The following TMEM232 variants were observed in gnomAD, a reference collection of about 807,000 sequenced individuals.
The protein encoded by TMEM232 is transmembrane protein 232.
Under a neutral mutation model 78.8 loss-of-function variants are expected in TMEM232, and 80 were observed. That is an observed-to-expected ratio of 1.01 (90% CI 0.85 to 1.22). The LOEUF is 1.22. TMEM232 is among the 50% of genes most tolerant of loss of function. TMEM232 has a pLI of 0.00. For missense variants in TMEM232, 881 were observed against 742.2 expected (o/e 1.19, Z -2.17); for synonymous variants, 297 against 254.3 (o/e 1.17, Z -1.60).
chr5:110,408,563 C>T (rs1365727053), intron 2 of TMEM232, among the ~76,000 whole-genome samples: 1 of 151,750 alleles, frequency 6.6e-6, no homozygotes, highest in African/African-American at 2.4e-5. Context: ...GCACTCCAGC[C>T]CGGGTGACAG....
chr5:110,698,912 T>C (rs568608214), intron 1 of TMEM232, among the ~76,000 whole-genome samples: 2 of 152,184 alleles, frequency 1.3e-5, no homozygotes, highest in East Asian at 3.9e-4. Flanking sequence ...TGCGATAAAA[T>C]TGCTCCAAAG....
At chr5:110,710,032 G>GA (rs199628112) in intron 1 of TMEM232, among the ~76,000 whole-genome samples, 9 of 148,448 alleles carry the variant, frequency 6.1e-5, no homozygotes, top group East Asian at 3.9e-4. Flanking sequence ...GACAAATTAA[G>GA]AAAAAAAAAG....
intron 12 of TMEM232, among the ~76,000 whole-genome samples, chr5:110,509,200 TG>T (rs1767392698): frequency 1.3e-5 from 2 of 151,404 alleles, no homozygotes; most frequent in South Asian, 4.2e-4. Context: ...GAGGCTGAGG[TG>T]GGAGGACCAG....
In TMEM232 at chr5:110,487,055, AT is replaced by A. The variant is rs373820571; in HGVS notation, c.1703+41532del. Reference sequence around the variant, plus strand: ...TCCTTGGTTAGGTATATTCCTAAGAATTTTTTTTTTGTAGCTATTGTAAAGA... The same window carrying A: ...TCCTTGGTTAGGTATATTCCTAAGAATTTTTTTTTGTAGCTATTGTAAAGA... On this transcript the variant is annotated intron_variant, in intron 12 of 13. Coordinates refer to ENST00000455884, the MANE Select transcript of TMEM232 (RefSeq NM_001039763.4). 6.9e-3 allele frequency among the ~76,000 whole-genome samples: 1,037 copies of A among 149,348 alleles called. 8 individuals are homozygous for A. Among genetic ancestry groups the A allele is most frequent in the African/African-American group, 0.02 (809 of 40,928 alleles).
chr5:110,597,430 C>T (rs1159677807), intron 10 of TMEM232, among the ~76,000 whole-genome samples: 1 of 152,094 alleles, frequency 6.6e-6, no homozygotes, highest in East Asian at 1.9e-4. Context: ...TGAAAATGGC[C>T]ATACTGCCCA....
chr5:110,620,662 C>CCT (rs747812196), intron 7 of TMEM232, among the ~76,000 whole-genome samples: 58 of 100,420 alleles, frequency 5.8e-4, no homozygotes, highest in South Asian at 1.2e-3. Flanking sequence ...TCTCTCTCCT[C>CCT]CTCTCTCTCT....
intron 1 of TMEM232, among the ~76,000 whole-genome samples, chr5:110,700,136 A>G (rs1446965257): frequency 6.6e-6 from 1 of 152,080 alleles, no homozygotes; most frequent in Non-Finnish European, 1.5e-5. Flanking sequence ...TGTTTCGCAC[A>G]AATAATTCCC....
intron 12 of TMEM232, among the ~76,000 whole-genome samples, chr5:110,455,688 T>A (rs920251803): frequency 6.6e-6 from 1 of 152,124 alleles, no homozygotes; most frequent in Admixed American, 6.5e-5. Context: ...CATGTAGATA[T>A]AAACTTTTAA....
chr5:110,651,780 T>A (rs1453950335), intron 2 of TMEM232, among the ~76,000 whole-genome samples: 1 of 151,870 alleles, frequency 6.6e-6, no homozygotes, highest in Non-Finnish European at 1.5e-5. Flanking sequence ...GGGCAAGGGA[T>A]GGAGGCAGTG....
Position 110,642,316 on chromosome 5 carries a change from A to T in TMEM232, c.181T>A (p.Ser61Thr), listed in dbSNP as rs1157527876. The T allele has an allele frequency of 6.5e-7, 1 of 1,540,462 alleles. No individual in the cohort carries two copies. The highest frequency in any genetic ancestry group is 1.2e-5 in the South Asian group (1 of 81,686). Residue 61 changes from serine (S) to threonine (T), a missense_variant, in exon 3 of 14, where the codon TCC (serine) becomes ACC (threonine). Coordinates refer to ENST00000455884, the MANE Select transcript of TMEM232 (RefSeq NM_001039763.4). ...FILRFNQTQN[S>T]KEKEELLELA... ...TCCAACAATTCTTCCTTCTCTTTGGAATTTTGTGTTTGATTGAATCTCAAG... is the reference window on the plus strand; with the variant it reads ...TCCAACAATTCTTCCTTCTCTTTGGTATTTTGTGTTTGATTGAATCTCAAG...
chr5:110,481,115 C>T (rs527426817), intron 12 of TMEM232, among the ~76,000 whole-genome samples: 1 of 152,074 alleles, frequency 6.6e-6, no homozygotes, highest in South Asian at 2.1e-4. Flanking sequence ...AATAGTCAAT[C>T]TTAGACCTGG....
At chr5:110,404,520 C>A (rs1755715707) in intron 2 of TMEM232, among the ~76,000 whole-genome samples, 1 of 151,878 alleles carries the variant, frequency 6.6e-6, no homozygotes, top group Non-Finnish European at 1.5e-5. Context: ...TATGTGAGCC[C>A]TAAAGATTAG....
chr5:110,401,086 T>C (rs1192832377), intron 2 of TMEM232, among the ~76,000 whole-genome samples: 1 of 152,072 alleles, frequency 6.6e-6, no homozygotes, highest in East Asian at 1.9e-4. Flanking sequence ...CTGTTGGGTG[T>C]AAATGAGGCT....
chr5:110,671,972 TTAGA>T (rs1343673414), intron 1 of TMEM232, among the ~76,000 whole-genome samples: 4 of 152,142 alleles, frequency 2.6e-5, no homozygotes, highest in Non-Finnish European at 5.9e-5. Flanking sequence ...AGAAATACTC[TTAGA>T]TAAATTAGCT....
intron 13 of TMEM232, among the ~76,000 whole-genome samples, chr5:110,421,842 T>C (rs983927729): frequency 2.0e-5 from 3 of 152,140 alleles, no homozygotes; most frequent in Non-Finnish European, 4.4e-5. Flanking sequence ...CATAATAATA[T>C]CAAATCCATT....
chr5:110,605,004 T>G, intron 10 of TMEM232, 105 bp downstream of exon 10: 1 of 1,270,310 alleles, frequency 7.9e-7, no homozygotes, highest in Non-Finnish European at 1.1e-6. Flanking sequence ...AATTTAAAAT[T>G]AGTTGCTATT....
chr5:110,492,375 G>C (rs890541598), intron 12 of TMEM232, among the ~76,000 whole-genome samples: 6 of 151,764 alleles, frequency 4.0e-5, no homozygotes, highest in Admixed American at 1.3e-4. Context: ...TACCAATTTG[G>C]AGTTTTACCA....
chr5:110,594,799 A>G (rs1211075342), intron 10 of TMEM232, among the ~76,000 whole-genome samples: 2 of 152,214 alleles, frequency 1.3e-5, no homozygotes, highest in Non-Finnish European at 2.9e-5. Context: ...GGGCTTATAG[A>G]TAAAACTCCC....
chr5:110,512,169 A>G (rs1767861496), intron 12 of TMEM232, among the ~76,000 whole-genome samples: 2 of 152,180 alleles, frequency 1.3e-5, no homozygotes, highest in African/African-American at 4.8e-5. Flanking sequence ...TCTATCTCCA[A>G]TATTTTATTG....
Sources: gnomAD v4.1 joint callset for allele counts (sites outside exome capture counted in the v4.1 genomes callset) on GRCh38, gnomAD v4.1.1 for gene constraint, MANE v1.5 for transcripts, NCBI Gene and HGNC (gene_info 2026-07-23, HGNC 2026-07-21) for gene names.